CELSR1: variants seen among roughly 807,000 people sequenced by gnomAD.
CELSR1 encodes adhesion G protein-coupled receptor C1.
A neutral mutation model predicts 249.1 loss-of-function variants in CELSR1; 110 were observed. The ratio of observed to expected loss-of-function variants is 0.44; its 90% confidence interval spans 0.38 to 0.52. The LOEUF (loss-of-function observed/expected upper bound fraction) is 0.52, where lower values mean the gene tolerates loss of function less well. CELSR1 is among the 20% of genes least tolerant of loss of function. CELSR1 has a pLI of 0.00. For missense variants in CELSR1, 4,109 were observed against 4,296.4 expected (o/e 0.96, Z 1.22); for synonymous variants, 2,113 against 1,900.0 (o/e 1.11, Z -2.92).
intron 2 of CELSR1, among the ~76,000 whole-genome samples, chr22:46,453,474 T>A (rs1261060746): frequency 6.6e-6 from 1 of 152,148 alleles, no homozygotes; most frequent in Non-Finnish European, 1.5e-5. Context: ...ACTGCCCTCA[T>A]TAATACAAAG....
rs2079036091 is a variant in CELSR1 at position 46,386,545 on chromosome 22, G to A, written c.6596C>T (p.Thr2199Ile). 1.3e-6 allele frequency: 2 copies of A among 1,598,954 alleles called. No individual in the cohort carries two copies. Among genetic ancestry groups the A allele is most frequent in the East Asian group, 4.5e-5 (2 of 44,302 alleles). Reference sequence around the variant, plus strand: ...CTGGATCTGCTCCCACGCCGCCCTGGTGGCTGGGGCCAGGAGGGCGCTGCC... The same window carrying A: ...CTGGATCTGCTCCCACGCCGCCCTGATGGCTGGGGCCAGGAGGGCGCTGCC... ...HSGSALLAPA[T>I]RAAWEQIQRS... Residue 2199 changes from threonine to isoleucine, a missense_variant, in exon 19 of 35, where the codon ACC (threonine) becomes ATC (isoleucine). Thr to Ile is a moderately conservative substitution (Grantham distance 89). Coordinates refer to ENST00000674500, the MANE Select transcript of CELSR1 (RefSeq NM_001378328.1).
chr22:46,420,475 C>T (rs112429713), intron 5 of CELSR1, among the ~76,000 whole-genome samples: 1,529 of 152,292 alleles, frequency 0.01, 33 homozygotes, highest in African/African-American at 0.034. Context: ...CACCCACTCA[C>T]GTATGCACTC....
At chr22:46,514,583 CTGAAAGTCAGGGATAATGCAA>C (rs1250137403) in intron 1 of CELSR1, among the ~76,000 whole-genome samples, 1 of 152,138 alleles carries the variant, frequency 6.6e-6, no homozygotes, top group Admixed American at 6.5e-5. Flanking sequence ...CAGACCCTTG[CTGAAAGTCAGGGATAATGCAA>C]TGGCCCCTCT....
intron 22 of CELSR1, among the ~76,000 whole-genome samples, chr22:46,379,139 G>C (rs149259855): frequency 6.6e-6 from 1 of 152,190 alleles, no homozygotes; most frequent in Non-Finnish European, 1.5e-5. Flanking sequence ...ATGCGGTCCC[G>C]TCTCCTTCTG....
intron 20 of CELSR1, among the ~76,000 whole-genome samples, chr22:46,383,867 GC>G (rs2079004780): frequency 6.6e-6 from 1 of 152,050 alleles, no homozygotes; most frequent in South Asian, 2.1e-4. Context: ...AAGACAACCA[GC>G]TCACATACAA....
intron 5 of CELSR1, among the ~76,000 whole-genome samples, chr22:46,422,541 T>C (rs1169078591): frequency 3.3e-5 from 5 of 151,312 alleles, no homozygotes; most frequent in African/African-American, 1.2e-4. Context: ...GAGACCATCC[T>C]GGCCAACACG....
rs1482180052 is a variant in CELSR1, at chr22:46,471,975, C to T, written c.3545-7630G>A. Among the ~76,000 whole-genome samples, 2 of 152,176 alleles carry T rather than the reference C, an allele frequency of 1.3e-5. No individual in the cohort carries two copies. The highest frequency in any genetic ancestry group is 3.9e-4 in the East Asian group (2 of 5,186). ...CTGTGTGTGAGTACAGGTCAGTTCA[C>T]AGTTTGGGGTCTGCTTGATTCCGGG... is the stretch of plus-strand genomic sequence containing the variant. On this transcript the variant is annotated intron_variant, in intron 1 of 34. Coordinates refer to ENST00000674500, the MANE Select transcript of CELSR1 (RefSeq NM_001378328.1). This position sits in a 1 kb window ranked among gnomAD's most constrained non-coding sequence, Gnocchi z 4.9.
rs1399091915 is a variant in CELSR1 at position 46,448,041 on chromosome 22, C to T, written c.4184-8630G>A. Among the ~76,000 whole-genome samples the T allele has an allele frequency of 6.6e-6, 1 of 152,234 alleles. No homozygotes were observed. Among genetic ancestry groups the T allele is most frequent in the Non-Finnish European group, 1.5e-5 (1 of 68,048 alleles). ...TCCCATACCAGGCTTGGGGCTGGTG[C>T]ACTGCCCTGCCTGCCCAGAGACCCT... On this transcript the variant is annotated intron_variant, in intron 2 of 34. Coordinates refer to ENST00000674500, the MANE Select transcript of CELSR1 (RefSeq NM_001378328.1). This position sits in a 1 kb window ranked among gnomAD's most constrained non-coding sequence, Gnocchi z 5.7.
In CELSR1 at chr22:46,535,184, C is replaced by G. The variant is rs772609365; in HGVS notation, c.1987G>C (p.Gly663Arg). 2 of 1,608,604 alleles carry G rather than the reference C, an allele frequency of 1.2e-6. No individual in the cohort carries two copies. Among genetic ancestry groups the G allele is most frequent in the African/African-American group, 1.3e-5 (1 of 74,902 alleles). The stretch of plus-strand genomic sequence containing the variant: ...GTGGAGGAGCTCATGGGGGGCGAGC[C>G]GTGGTCCACCGCCTCCACCCCGAAG... Reference protein sequence around the residue: ...YSFGVEAVDHGSPPMSSSTSV... With the variant: ...YSFGVEAVDHRSPPMSSSTSV... Residue 663 changes from glycine to arginine, a missense_variant, in exon 1 of 35, where the codon GGC becomes CGC. By Grantham distance (125) the Gly-to-Arg change is moderately radical. Transcript: ENST00000674500.
chr22:46,475,340 A>G (rs922654938), intron 1 of CELSR1, among the ~76,000 whole-genome samples: 2 of 152,214 alleles, frequency 1.3e-5, no homozygotes, highest in African/African-American at 4.8e-5. Flanking sequence ...AGCCTTGAAG[A>G]CATCACACTG....
At chr22:46,499,817 G>T (rs1168853787) in intron 1 of CELSR1, among the ~76,000 whole-genome samples, 1 of 152,048 alleles carries the variant, frequency 6.6e-6, no homozygotes, top group Non-Finnish European at 1.5e-5. Context: ...CGCTGGCCCG[G>T]GATGGCCCTC....
Position 46,453,261 on chromosome 22 carries a change from C to T in CELSR1, c.4183+10446G>A, listed in dbSNP as rs368677901. ...GCATGCAGGGAAACCGTGCCAACTA[C>T]GAACAGCAGCATGCCCGGGCTCAGC... On this transcript the variant is annotated intron_variant, in intron 2 of 34. Coordinates refer to ENST00000674500, the MANE Select transcript of CELSR1 (RefSeq NM_001378328.1). Among the ~76,000 whole-genome samples the T allele has an allele frequency of 1.4e-3, 213 of 152,280 alleles. 1 individual carries two copies. The highest frequency in any genetic ancestry group is 6.8e-3 in the Middle Eastern group (2 of 294).
chr22:46,382,050 T>G lies in CELSR1; in HGVS notation c.6884A>C (p.Glu2295Ala), dbSNP rs1044276486. 16 of 1,530,808 alleles carry G rather than the reference T, an allele frequency of 1.0e-5. No homozygotes were observed. The highest frequency in any genetic ancestry group is 2.8e-5 in the African/African-American group (2 of 72,622). The allele number at this position is 1,530,808 out of a possible 1,614,324, so 94.8% of individuals were successfully genotyped here. ...ADFFRPPEEK[E>A]GPLLRPAGRR... ...GCCAGCCGGCCTCAGCAGGGGGCCT[T>G]CTGCAATGTGAGCAGAAGGTGAGGA... The change falls in exon 21 of 35, where the codon GAA (glutamate) becomes GCA (alanine). Residue 2295 changes from glutamate (E) to alanine (A), a missense_variant and splice_region_variant. Coordinates refer to ENST00000674500, the MANE Select transcript of CELSR1 (RefSeq NM_001378328.1).
chr22:46,460,360 G>A (rs931208140), intron 2 of CELSR1, among the ~76,000 whole-genome samples: 18 of 152,202 alleles, frequency 1.2e-4, no homozygotes, highest in Non-Finnish European at 8.8e-5. Context: ...ATCTGAGGAG[G>A]TCGGGAAACT....
chr22:46,364,347 T>C, intron 33 of CELSR1, 96 bp from the exon 34 acceptor site: 1 of 1,537,440 alleles, frequency 6.5e-7, no homozygotes, highest in Admixed American at 2.0e-5. Flanking sequence ...GCCCCTGTCC[T>C]TCCTCCTGGT....
At chr22:46,388,537 C>T in intron 18 of CELSR1, among the ~76,000 whole-genome samples, 1 of 151,904 alleles carries the variant, frequency 6.6e-6, no homozygotes, top group East Asian at 1.9e-4. Flanking sequence ...GGACTGGAGG[C>T]CCTTTGTGGA....
Position 46,512,426 on chromosome 22 carries a change from G to A in CELSR1, c.3544+21201C>T, listed in dbSNP as rs1433679962. ...TCTCTACTAAAATACAAAAAAATTAGCCCGGTGTGGTGGTGTACACCTATA... is the reference window on the plus strand; with the variant it reads ...TCTCTACTAAAATACAAAAAAATTAACCCGGTGTGGTGGTGTACACCTATA... On this transcript the variant is annotated intron_variant, in intron 1 of 34. Coordinates refer to ENST00000674500, the MANE Select transcript of CELSR1 (RefSeq NM_001378328.1). The surrounding 1 kb of genome is among the most constrained non-coding windows in gnomAD (Gnocchi z 5.2). 6.6e-6 allele frequency among the ~76,000 whole-genome samples: 1 copy of A among 152,124 alleles called. No individual in the cohort carries two copies. Among genetic ancestry groups the A allele is most frequent in the African/African-American group, 2.4e-5 (1 of 41,432 alleles).
chr22:46,421,816 T>A (rs2079476257), intron 5 of CELSR1, among the ~76,000 whole-genome samples: 1 of 152,244 alleles, frequency 6.6e-6, no homozygotes, highest in Non-Finnish European at 1.5e-5. Flanking sequence ...ACTAGTGGAT[T>A]TGACAGAACA....
rs2078980474 is a variant in CELSR1 at position 46,381,837 on chromosome 22, A to C, written c.7088+9T>G. ...GGCCCTCCCCGTGTGCCCCGTGCCC[A>C]GGCCTTACCGGAGGCTGCGACGGTC... On this transcript the variant is annotated intron_variant, in intron 21 of 34. Coordinates refer to ENST00000674500, the MANE Select transcript of CELSR1 (RefSeq NM_001378328.1). This position sits in a 1 kb window ranked among gnomAD's most constrained non-coding sequence, Gnocchi z 6.0. 1.7e-5 allele frequency: 27 copies of C among 1,545,498 alleles called. No individual in the cohort carries two copies. The highest frequency in any genetic ancestry group is 1.7e-4 in the Middle Eastern group (1 of 5,988).
Sources: allele counts gnomAD v4.1 joint callset (sites outside exome capture counted in the v4.1 genomes callset), GRCh38; gene constraint gnomAD v4.1.1; non-coding constraint Gnocchi (gnomAD v3.1); transcripts MANE v1.5; gene names NCBI Gene and HGNC (gene_info 2026-07-23, HGNC 2026-07-21).